The following SLCO3A1 variants were observed in gnomAD, a reference collection of about 807,000 sequenced individuals.
The protein encoded by SLCO3A1 is PGE1 transporter.
A neutral mutation model predicts 63.1 loss-of-function variants in SLCO3A1; 27 were observed. That is an observed-to-expected ratio of 0.43 (90% confidence interval 0.32 to 0.59). The LOEUF is 0.59. SLCO3A1 is among the 20% of genes least tolerant of loss of function. SLCO3A1 has a pLI of 0.09. For synonymous variants in SLCO3A1, 473 were observed against 409.9 expected (o/e 1.15, Z -1.86); for missense variants, 773 against 945.8 (o/e 0.82, Z 2.40).
chr15:92,124,606 A>G (rs1008673486), intron 5 of SLCO3A1, among the ~76,000 whole-genome samples: 11 of 152,262 alleles, frequency 7.2e-5, no homozygotes, highest in Admixed American at 2.0e-4. Flanking sequence ...GAACAAGACA[A>G]AAAGGGTTTT....
chr15:92,146,909 T>C (rs2048232115), intron 7 of SLCO3A1, 75 bp from the exon 8 acceptor site: 2 of 1,367,686 alleles, frequency 1.5e-6, no homozygotes, highest in East Asian at 4.7e-5. Context: ...CTGTGACAGA[T>C]TCAGCTGATG....
chr15:92,015,448 A>G (rs1281643993), intron 2 of SLCO3A1, among the ~76,000 whole-genome samples: 1 of 152,048 alleles, frequency 6.6e-6, no homozygotes, highest in Non-Finnish European at 1.5e-5. Context: ...AAACTATGAG[A>G]TCTCGTGAGA....
At chr15:91,965,304 T>C (rs540778540) in intron 2 of SLCO3A1, among the ~76,000 whole-genome samples, 1 of 152,222 alleles carries the variant, frequency 6.6e-6, no homozygotes, top group East Asian at 1.9e-4. Flanking sequence ...AAAGGAAACA[T>C]TTATCCCCCT....
At chr15:92,089,459 A>G (rs1295197705) in intron 2 of SLCO3A1, among the ~76,000 whole-genome samples, 3 of 152,136 alleles carry the variant, frequency 2.0e-5, no homozygotes, top group Non-Finnish European at 4.4e-5. Flanking sequence ...ATCATGTGAT[A>G]GATTTGTGTT....
intron 1 of SLCO3A1, among the ~76,000 whole-genome samples, chr15:91,880,381 T>TTC (rs71464533): frequency 0.01 from 1,261 of 121,760 alleles, 15 homozygotes; most frequent in African/African-American, 0.026. Flanking sequence ...GCACTCGTGC[T>TTC]TCTCTCTCTC....
chr15:91,913,376 A>C (rs1898545390), intron 1 of SLCO3A1, among the ~76,000 whole-genome samples: 1 of 152,232 alleles, frequency 6.6e-6, no homozygotes, highest in Admixed American at 6.5e-5. Context: ...CACTGCCATT[A>C]GAATCACCTG....
intron 2 of SLCO3A1, among the ~76,000 whole-genome samples, chr15:92,028,246 G>C (rs12905838): frequency 0.37 from 55,481 of 151,804 alleles, 10,356 homozygotes; most frequent in Admixed American, 0.45. Flanking sequence ...CCACAAGTCC[G>C]TTGAAGTCCC....
At chr15:92,001,618 T>C (rs1392780490) in intron 2 of SLCO3A1, among the ~76,000 whole-genome samples, 2 of 152,134 alleles carry the variant, frequency 1.3e-5, no homozygotes, top group East Asian at 1.9e-4. Context: ...AGGGAGATTG[T>C]TTAGTGGATT....
intron 2 of SLCO3A1, among the ~76,000 whole-genome samples, chr15:92,071,362 C>T (rs1166552295): frequency 1.3e-5 from 2 of 152,164 alleles, no homozygotes; most frequent in African/African-American, 2.4e-5. Flanking sequence ...CATTTGGCAG[C>T]GAGCAAGGCA....
rs537945148 is a variant in SLCO3A1, at chr15:91,911,688, G to A, written c.181-4305G>A. ...GTCACCAAGGCTGGAGTGCAGTGGCGCAGTCTTGGCTCACTGCAACCTCTG... is the reference window on the plus strand; with the variant it reads ...GTCACCAAGGCTGGAGTGCAGTGGCACAGTCTTGGCTCACTGCAACCTCTG... On this transcript the variant is annotated intron_variant, in intron 1 of 9. Transcript: ENST00000318445. Among the ~76,000 whole-genome samples, 18 of 151,956 alleles carry A rather than the reference G, an allele frequency of 1.2e-4. No individual in the cohort carries two copies. In the East Asian group the frequency reaches 1.5e-3, roughly 13 times the overall value.
chr15:92,150,299 G>A (rs954437237), intron 8 of SLCO3A1, among the ~76,000 whole-genome samples: 1 of 152,154 alleles, frequency 6.6e-6, no homozygotes, highest in African/African-American at 2.4e-5. Context: ...TTGAGGCTGG[G>A]TCTGCCTTTC....
chr15:91,887,540 C>A (rs1337452288), intron 1 of SLCO3A1, among the ~76,000 whole-genome samples: 4 of 152,208 alleles, frequency 2.6e-5, no homozygotes, highest in Non-Finnish European at 5.9e-5. Flanking sequence ...ATTGTGGCAT[C>A]TTGGCATGGC....
At position 91,979,387 on chromosome 15, in the gene SLCO3A1, C is replaced by T. The variant is rs540452232; in HGVS notation, c.646+62929C>T. 6.6e-5 allele frequency among the ~76,000 whole-genome samples: 10 copies of T among 152,272 alleles called. 1 individual carries two copies. Among genetic ancestry groups the T allele is most frequent in the Non-Finnish European group, 1.3e-4 (9 of 68,030 alleles). The stretch of plus-strand genomic sequence containing the variant: ...ACTGCAGTTTGACTGCAACTCATCA[C>T]GTGAGGTGAAGTGTGGAATTCTCCA... On this transcript the variant is annotated intron_variant, in intron 2 of 9. Transcript: ENST00000318445.
chr15:91,969,312 T>G (rs1900773497), intron 2 of SLCO3A1, among the ~76,000 whole-genome samples: 1 of 149,376 alleles, frequency 6.7e-6, no homozygotes, highest in South Asian at 2.2e-4. Flanking sequence ...TATATATAAT[T>G]TTTTTTTTTT....
chr15:92,141,460 A>T (rs888847722), intron 7 of SLCO3A1, among the ~76,000 whole-genome samples: 2 of 152,178 alleles, frequency 1.3e-5, no homozygotes, highest in Non-Finnish European at 2.9e-5. Flanking sequence ...GAACTATGCT[A>T]TTGGGGTTTG....
chr15:92,067,136 C>T (rs2047161161), intron 2 of SLCO3A1, among the ~76,000 whole-genome samples: 1 of 152,224 alleles, frequency 6.6e-6, no homozygotes, highest in Non-Finnish European at 1.5e-5. Context: ...TTTTGCAGGC[C>T]ATCATGCCCA....
intron 2 of SLCO3A1, among the ~76,000 whole-genome samples, chr15:91,964,255 T>A (rs1379425043): frequency 2.0e-5 from 3 of 152,174 alleles, no homozygotes; most frequent in African/African-American, 7.2e-5. Flanking sequence ...GTGTGATTGC[T>A]CAGAGCTCTA....
At chr15:92,107,917 G>A (rs1399801088) in intron 4 of SLCO3A1, among the ~76,000 whole-genome samples, 1 of 152,198 alleles carries the variant, frequency 6.6e-6, no homozygotes, top group Non-Finnish European at 1.5e-5. Flanking sequence ...TATGGTGTCT[G>A]GTTTAGTCTT....
rs2048464319 is a variant in SLCO3A1, at chr15:92,163,355, G to A, written c.*220G>A. The A allele has an allele frequency of 8.4e-7, 1 of 1,193,812 alleles. No homozygotes were observed. The highest frequency in any genetic ancestry group is 4.3e-5 in the Admixed American group (1 of 23,222). 74.0% of individuals were successfully genotyped at this position (1,193,812 alleles called of 1,614,324 possible). The stretch of plus-strand genomic sequence containing the variant: ...AATGACATCGTGCGGCAGGGTCCTG[G>A]AGGCCACTTGCGCGGCTGGGCCACA... On this transcript the variant is annotated 3_prime_UTR_variant, in exon 10 of 10. Coordinates refer to ENST00000318445, the MANE Select transcript of SLCO3A1 (RefSeq NM_013272.4).
Sources: allele counts gnomAD v4.1 joint callset (sites outside exome capture counted in the v4.1 genomes callset), GRCh38; gene constraint gnomAD v4.1.1; transcripts MANE v1.5; gene names NCBI Gene and HGNC (gene_info 2026-07-23, HGNC 2026-07-21).